Variants in RELN observed in about 807,000 individuals in gnomAD.
RELN encodes reelin.
A neutral mutation model predicts 427.6 loss-of-function variants in RELN; 108 were observed. That is an observed-to-expected ratio of 0.25 (90% confidence interval 0.22 to 0.30). The LOEUF (loss-of-function observed/expected upper bound fraction) is 0.30. Among genes scored for constraint, RELN ranks in the 10% least tolerant of loss-of-function variants. The probability of loss-of-function intolerance (pLI) is 1.00; values close to 1 mark genes in which losing one functional copy is unlikely to be tolerated. For synonymous variants in RELN, 1,524 were observed against 1,513.4 expected (o/e 1.01, Z -0.16); for missense variants, 3,715 against 4,302.8 (o/e 0.86, Z 3.82).
At chr7:103,628,974 G>T (rs1026588761) in intron 20 of RELN, among the ~76,000 whole-genome samples, 2 of 152,082 alleles carry the variant, frequency 1.3e-5, no homozygotes, top group African/African-American at 4.8e-5. Flanking sequence ...TGGTCTCCAG[G>T]ACAACTGGCC....
chr7:103,840,866 G>A (rs1185387779), intron 2 of RELN, among the ~76,000 whole-genome samples: 1 of 152,036 alleles, frequency 6.6e-6, no homozygotes, highest in Non-Finnish European at 1.5e-5. Flanking sequence ...ATATTATTTG[G>A]AAAAGGGAAA....
Position 103,594,359 on chromosome 7 carries a change from T to C in RELN, c.3673A>G (p.Lys1225Glu), listed in dbSNP as rs747877040. 8 of 1,613,906 alleles carry C rather than the reference T, an allele frequency of 5.0e-6. No homozygotes were observed. The East Asian group carries it at 1.1e-4, about 22-fold the overall frequency. ...GGATTGATAACTGGGATGATCTGCT[T>C]CTGCTTCTCGGACAGAATGATGATG... is the stretch of plus-strand genomic sequence containing the variant. ...DDIIILSEKQ[K>E]QIIPVINPTL... The change falls in exon 26 of 65, where the codon AAG (lysine) becomes GAG (glutamate). Residue 1225 changes from lysine (K) to glutamate (E), a missense_variant. Lys to Glu is a moderately conservative substitution (Grantham distance 56). Transcript: ENST00000428762.
intron 51 of RELN, among the ~76,000 whole-genome samples, chr7:103,506,503 C>T (rs1829216423): frequency 6.6e-6 from 1 of 152,212 alleles, no homozygotes; most frequent in African/African-American, 2.4e-5. Flanking sequence ...TACAGACAAG[C>T]AAATGCTGAG....
In RELN at chr7:103,700,936, C is replaced by T. The variant is rs757968034; in HGVS notation, c.876G>A (p.Ala292=). 1.6e-5 allele frequency: 26 copies of T among 1,610,042 alleles called. No individual in the cohort carries two copies. The highest frequency in any genetic ancestry group is 2.2e-5 in the East Asian group (1 of 44,824). ...TAATTTTCTCTAGCTGAATCCAGTCCGCAGAGTTATTCTTGGCATATAACA... is the reference window on the plus strand; with the variant it reads ...TAATTTTCTCTAGCTGAATCCAGTCTGCAGAGTTATTCTTGGCATATAACA... ...IIVLYAKNNS[A]DWIQLEKIRA... Residue 292 remains alanine, a synonymous_variant, in exon 9 of 65, where the codon GCG becomes GCA. Transcript: ENST00000428762.
Position 103,473,060 on chromosome 7 carries a change from C to T in RELN, c.10287-152G>A, listed in dbSNP as rs1198233201. On this transcript the variant is annotated intron_variant, in intron 64 of 64. Coordinates refer to ENST00000428762, the MANE Select transcript of RELN (RefSeq NM_005045.4). ...TAATAGGTCATGCTCACATTACCAC[C>T]CAGGGTCAGAGGAACTAAAGGCTGG... 72 of 754,004 alleles carry T rather than the reference C, an allele frequency of 9.5e-5. No homozygotes were observed. The East Asian group carries it at 1.8e-3, about 19-fold the overall frequency. 46.7% of individuals were successfully genotyped at this position (754,004 alleles called of 1,614,324 possible).
chr7:103,671,369 T>C (rs575604091), intron 11 of RELN, among the ~76,000 whole-genome samples: 15 of 152,210 alleles, frequency 9.9e-5, no homozygotes, highest in African/African-American at 3.6e-4. Context: ...ACATGCATGT[T>C]TATTTACACT....
In RELN at chr7:103,522,163, G is replaced by A; in HGVS notation, c.7527C>T (p.Asp2509=). The A allele has an allele frequency of 1.2e-6, 2 of 1,614,068 alleles. No individual in the cohort carries two copies. Among genetic ancestry groups the A allele is most frequent in the Non-Finnish European group, 1.7e-6 (2 of 1,180,030 alleles). Residue 2509 remains aspartate, a synonymous_variant, in exon 48 of 65, where the codon GAC becomes GAT. Transcript: ENST00000428762. Reference sequence around the variant, plus strand: ...GTTGGGTTGGAAGAGAGGTCTCGGGGTCATCACAGTACAGGCCACCCCACT... The same window carrying A: ...GTTGGGTTGGAAGAGAGGTCTCGGGATCATCACAGTACAGGCCACCCCACT... ...DEQWGGLYCD[D]PETSLPTQLK...
chr7:103,684,525 C>CGGAAAAGAACAAAAATT (rs1015774224), intron 10 of RELN, among the ~76,000 whole-genome samples: 5 of 151,984 alleles, frequency 3.3e-5, no homozygotes, highest in Admixed American at 3.3e-4. Flanking sequence ...AAATTAAGAT[C>CGGAAAAGAACAAAAATT]GGAAAAGAAC....
At chr7:103,798,414 T>C (rs745640769) in intron 3 of RELN, among the ~76,000 whole-genome samples, 4 of 152,188 alleles carry the variant, frequency 2.6e-5, no homozygotes, top group Non-Finnish European at 5.9e-5. Context: ...CCTGTTATCG[T>C]TGGGAAGACT....
chr7:103,603,070 A>G lies in RELN; in HGVS notation c.3333+234T>C, dbSNP rs141962639. On this transcript the variant is annotated intron_variant, in intron 24 of 64. Transcript: ENST00000428762. This position sits in a 1 kb window ranked among gnomAD's most constrained non-coding sequence, Gnocchi z 4.3. ...TAATGGTATTTAAATCAGGTACAGG[A>G]GGGTAGAAGTTTTAAACTGGCTTAA... 4.9e-4 allele frequency among the ~76,000 whole-genome samples: 74 copies of G among 152,314 alleles called. 1 individual carries two copies. The East Asian group carries it at 0.013, about 27-fold the overall frequency.
At chr7:103,476,503 CAAAA>C (rs779806990) in intron 64 of RELN, among the ~76,000 whole-genome samples, 9 of 151,984 alleles carry the variant, frequency 5.9e-5, no homozygotes, top group South Asian at 4.2e-4. Context: ...AACAAACAAA[CAAAA>C]AAACCACACT....
At chr7:103,962,513 G>T (rs1457699520) in intron 1 of RELN, among the ~76,000 whole-genome samples, 1 of 151,878 alleles carries the variant, frequency 6.6e-6, no homozygotes, top group Non-Finnish European at 1.5e-5. Flanking sequence ...CTGCCAGGAG[G>T]TCGTTGCACT....
chr7:103,923,267 G>C (rs1360117173), intron 1 of RELN, among the ~76,000 whole-genome samples: 4 of 152,082 alleles, frequency 2.6e-5, no homozygotes, highest in Non-Finnish European at 5.9e-5. Context: ...CTTCCTTAAA[G>C]TGCCACTAGC....
chr7:103,601,380 C>T (rs1194979234), intron 24 of RELN, among the ~76,000 whole-genome samples: 4 of 152,188 alleles, frequency 2.6e-5, no homozygotes, highest in Non-Finnish European at 5.9e-5. Flanking sequence ...CTATAATCCT[C>T]TATCTTGTTT....
intron 1 of RELN, among the ~76,000 whole-genome samples, chr7:103,930,464 G>A (rs868410226): frequency 6.6e-6 from 1 of 151,766 alleles, no homozygotes; most frequent in Non-Finnish European, 1.5e-5. Context: ...TCAGCCCCCC[G>A]TAATGCATTT....
At chr7:103,590,072 A>G in intron 27 of RELN, among the ~76,000 whole-genome samples, 1 of 152,170 alleles carries the variant, frequency 6.6e-6, no homozygotes, top group Admixed American at 6.5e-5. Context: ...GGATTATAGG[A>G]GAGAAGAGAG....
At chr7:103,628,906 T>C (rs1182730660) in intron 20 of RELN, among the ~76,000 whole-genome samples, 1 of 152,192 alleles carries the variant, frequency 6.6e-6, no homozygotes, top group African/African-American at 2.4e-5. Flanking sequence ...TAGAAGACCC[T>C]AAAAGATCTG....
intron 32 of RELN, 74 bp downstream of exon 32, chr7:103,566,527 C>T: frequency 6.3e-7 from 1 of 1,596,580 alleles, no homozygotes; most frequent in East Asian, 2.2e-5. Flanking sequence ...AATTAAGAAA[C>T]ACACAGTGCA....
chr7:103,864,972 A>T (rs1794159888), intron 2 of RELN, among the ~76,000 whole-genome samples: 1 of 151,862 alleles, frequency 6.6e-6, no homozygotes, highest in African/African-American at 2.4e-5. Context: ...CTCTACTAAA[A>T]ATATAAAAAT....
Sources: allele counts gnomAD v4.1 joint callset (sites outside exome capture counted in the v4.1 genomes callset), GRCh38; gene constraint gnomAD v4.1.1; non-coding constraint Gnocchi (gnomAD v3.1); transcripts MANE v1.5; gene names NCBI Gene and HGNC (gene_info 2026-07-23, HGNC 2026-07-21).